The following ZC3H6 variants were observed in gnomAD, a reference collection of about 807,000 sequenced individuals.
The protein encoded by ZC3H6 is zinc finger CCCH-type containing 6.
ZC3H6 carries 40 observed loss-of-function variants against 107.7 expected under a neutral mutation model. The ratio of observed to expected loss-of-function variants is 0.37; its 90% CI spans 0.29 to 0.48. ZC3H6 has a LOEUF of 0.48. ZC3H6 is among the 20% of genes least tolerant of loss of function. The pLI is 0.98. For missense variants in ZC3H6, 1,267 were observed against 1,410.4 expected (o/e 0.90, Z 1.63); for synonymous variants, 493 against 487.9 (o/e 1.01, Z -0.14).
chr2:112,301,681 A>G (rs925005492), intron 2 of ZC3H6, among the ~76,000 whole-genome samples: 1 of 152,150 alleles, frequency 6.6e-6, no homozygotes, highest in African/African-American at 2.4e-5. Flanking sequence ...TAAAATGACA[A>G]AAAATTAAGA....
At chr2:112,301,836 T>C (rs931738557) in intron 2 of ZC3H6, among the ~76,000 whole-genome samples, 1 of 151,886 alleles carries the variant, frequency 6.6e-6, no homozygotes, top group African/African-American at 2.4e-5. Flanking sequence ...ACAACATATA[T>C]ATCATTGACC....
At chr2:112,296,921 C>T (rs1676248928) in intron 1 of ZC3H6, among the ~76,000 whole-genome samples, 1 of 152,160 alleles carries the variant, frequency 6.6e-6, no homozygotes, top group African/African-American at 2.4e-5. Context: ...TGAAGCATCT[C>T]ACCTAAATCT....
chr2:112,309,477 T>C (rs913243104), intron 3 of ZC3H6, among the ~76,000 whole-genome samples: 1 of 152,166 alleles, frequency 6.6e-6, no homozygotes, highest in Non-Finnish European at 1.5e-5. Context: ...AATTTGAGAA[T>C]TTTCCAGTGT....
rs983876742 is a variant in ZC3H6 at position 112,338,408 on chromosome 2, G to C, written c.*5920G>C. The C allele has an allele frequency of 2.0e-5, 3 of 151,972 alleles. No individual in the cohort carries two copies. The highest frequency in any genetic ancestry group is 4.4e-5 in the Non-Finnish European group (3 of 68,002). The allele number at this position is 151,972 out of a possible 1,614,324, so 9.4% of individuals were successfully genotyped here. On this transcript the variant is annotated 3_prime_UTR_variant, in exon 12 of 12. Transcript: ENST00000409871. ...TGTATCTGGTCTTTAAACACCTTTC[G>C]TTACCCTTTGGAATAGAACAATCAT...
In ZC3H6 at chr2:112,337,071, T is replaced by C. The variant is rs1242304741; in HGVS notation, c.*4583T>C. On this transcript the variant is annotated 3_prime_UTR_variant, in exon 12 of 12. Transcript: ENST00000409871. ...GAATGCACCTTATGGGTTATATCTC[T>C]TTTGGTAGACAGCCCACCTGCTCTT... 6.6e-6 allele frequency: 1 copy of C among 152,154 alleles called. No individual in the cohort carries two copies. The highest frequency in any genetic ancestry group is 1.5e-5 in the Non-Finnish European group (1 of 68,032). The allele number at this position is 152,154 out of a possible 1,614,324, so 9.4% of individuals were successfully genotyped here.
At position 112,275,765 on chromosome 2, in the gene ZC3H6, C is replaced by T. The variant is rs1686403474; in HGVS notation, c.-230C>T. The T allele has an allele frequency of 4.5e-6, 2 of 444,178 alleles. No homozygotes were observed. Among genetic ancestry groups the T allele is most frequent in the East Asian group, 3.5e-5 (1 of 28,368 alleles). 27.5% of individuals were successfully genotyped at this position (444,178 alleles called of 1,614,324 possible). On this transcript the variant is annotated 5_prime_UTR_variant, in exon 1 of 12. Transcript: ENST00000409871. ...AGCGGCAGCGCCGGCAGCGCGGGGC[C>T]GTTGCCCAGTGTTTGCAGTTAGAGC...
chr2:112,278,058 C>G (rs1573942189), intron 1 of ZC3H6, among the ~76,000 whole-genome samples: 1 of 152,148 alleles, frequency 6.6e-6, no homozygotes, highest in Admixed American at 6.5e-5. Context: ...GATAGTTAAT[C>G]ATCAGAATCA....
Position 112,331,160 on chromosome 2 carries a change from G to C in ZC3H6, c.2242G>C (p.Glu748Gln). The C allele has an allele frequency of 6.2e-7, 1 of 1,613,704 alleles. No homozygotes were observed. Among genetic ancestry groups the C allele is most frequent in the Non-Finnish European group, 8.5e-7 (1 of 1,179,790 alleles). ...STPTDPRLAKEKSKGNQVVDP... is the reference protein window; with the variant it reads ...STPTDPRLAKQKSKGNQVVDP... Reference sequence around the variant, plus strand: ...TCCTACTGATCCAAGACTTGCTAAAGAGAAAAGTAAAGGAAACCAAGTGGT... The same window carrying C: ...TCCTACTGATCCAAGACTTGCTAAACAGAAAAGTAAAGGAAACCAAGTGGT... Residue 748 changes from glutamate (E) to glutamine (Q), a missense_variant, in exon 12 of 12, where the codon GAG (glutamate) becomes CAG (glutamine). Coordinates refer to ENST00000409871, the MANE Select transcript of ZC3H6 (RefSeq NM_198581.3).
chr2:112,301,444 A>C (rs1286952612), intron 2 of ZC3H6, among the ~76,000 whole-genome samples: 4 of 152,208 alleles, frequency 2.6e-5, no homozygotes, highest in Non-Finnish European at 5.9e-5. Flanking sequence ...GAAAATAGCC[A>C]TATTTTTGAA....
At position 112,337,729 on chromosome 2, in the gene ZC3H6, C is replaced by T. The variant is rs75046871; in HGVS notation, c.*5241C>T. On this transcript the variant is annotated 3_prime_UTR_variant, in exon 12 of 12. Transcript: ENST00000409871. ...CCGCCTCCCAGGTTCAAGCAATTCT[C>T]CCACCTTAGCTTCCTGAGTAGCTGG... 7 of 152,334 alleles carry T rather than the reference C, an allele frequency of 4.6e-5. No individual in the cohort carries two copies. The highest frequency in any genetic ancestry group is 1.7e-4 in the African/African-American group (7 of 41,524). 9.4% of individuals were successfully genotyped at this position (152,334 alleles called of 1,614,324 possible).
At chr2:112,280,161 C>G (rs1322269551) in intron 1 of ZC3H6, among the ~76,000 whole-genome samples, 2 of 152,162 alleles carry the variant, frequency 1.3e-5, no homozygotes, top group Admixed American at 6.5e-5. Context: ...ATTGCAGATG[C>G]CTTTTCTCAG....
Position 112,275,692 on chromosome 2 carries a change from C to A in ZC3H6, c.-303C>A, listed in dbSNP as rs1043233713. On this transcript the variant is annotated 5_prime_UTR_variant, in exon 1 of 12. Coordinates refer to ENST00000409871, the MANE Select transcript of ZC3H6 (RefSeq NM_198581.3). ...TCCAAATCCCCGCGTCGCTGCACGC[C>A]GCCCGCCCGCTCCCACGCCACAGCC... 7.1e-6 allele frequency: 3 copies of A among 419,898 alleles called. No individual in the cohort carries two copies. The highest frequency in any genetic ancestry group is 4.4e-5 in the Admixed American group (1 of 22,870). 26.0% of individuals were successfully genotyped at this position (419,898 alleles called of 1,614,324 possible).
chr2:112,336,048 T>C lies in ZC3H6; in HGVS notation c.*3560T>C, dbSNP rs1272193702. On this transcript the variant is annotated 3_prime_UTR_variant, in exon 12 of 12. Transcript: ENST00000409871. ...CACCAGCTCTTAGAAACAACAGATA[T>C]ATTCACACCCAGTCTGTAATATGTA... The C allele has an allele frequency of 6.6e-6, 1 of 152,192 alleles. No homozygotes were observed. Among genetic ancestry groups the C allele is most frequent in the Non-Finnish European group, 1.5e-5 (1 of 68,034 alleles). The allele number at this position is 152,192 out of a possible 1,614,324, so 9.4% of individuals were successfully genotyped here. A position where few individuals can be genotyped will look rare whatever the true frequency, so the allele number is the denominator to read the frequency against.
At chr2:112,317,171 A>G in intron 6 of ZC3H6, 50 bp from the exon 7 acceptor site, 2 of 1,044,684 alleles carry the variant, frequency 1.9e-6, no homozygotes, top group Non-Finnish European at 1.3e-6. Flanking sequence ...TTTGTTTCTC[A>G]TTGTTTCTTA....
intron 2 of ZC3H6, among the ~76,000 whole-genome samples, 193 bp downstream of exon 2, chr2:112,300,222 T>G (rs1676345872): frequency 6.6e-6 from 1 of 151,756 alleles, no homozygotes; most frequent in East Asian, 1.9e-4. Flanking sequence ...GTTAAATCTT[T>G]TTTTTTTTTG....
Position 112,316,551 on chromosome 2 carries a change from A to G in ZC3H6, c.829A>G (p.Ile277Val), listed in dbSNP as rs779081141. 2.5e-6 allele frequency: 4 copies of G among 1,609,616 alleles called. No individual in the cohort carries two copies. The highest frequency in any genetic ancestry group is 2.5e-6 in the Non-Finnish European group (3 of 1,177,964). ...CACAGTGGAACACAAAGGAAAACAA[A>G]TCTGTAAATACTTCCTGGAAGGGAG... The part of the protein sequence containing the change: ...QHTVEHKGKQ[I>V]CKYFLEGRCI... The change falls in exon 6 of 12, where the codon ATC (isoleucine) becomes GTC (valine). Residue 277 changes from isoleucine to valine, a missense_variant. Around this residue, in one of 3 missense-constraint regions of ZC3H6, gnomAD observed 337 missense variants for 361.2 expected, o/e 0.93. Coordinates refer to ENST00000409871, the MANE Select transcript of ZC3H6 (RefSeq NM_198581.3).
rs1285002184 is a variant in ZC3H6, at chr2:112,299,930, A to T, written c.114A>T (p.Glu38Asp). 6.6e-7 allele frequency: 1 copy of T among 1,517,310 alleles called. No individual in the cohort carries two copies. Among genetic ancestry groups the T allele is most frequent in the Non-Finnish European group, 8.8e-7 (1 of 1,132,902 alleles). The allele number at this position is 1,517,310 out of a possible 1,614,324, so 94.0% of individuals were successfully genotyped here. A position where few individuals can be genotyped will look rare whatever the true frequency, so the allele number is the denominator to read the frequency against. ...EIQEKEAKEN[E>D]KQKSEKAYRK... is the part of the protein sequence containing the mutation. ...AAGAAAAAGAAGCAAAAGAGAATGA[A>T]AAGCAGAAAAGTGAGAAAGCCTACA... is the stretch of plus-strand genomic sequence containing the variant. Residue 38 changes from glutamate (E) to aspartate (D), a missense_variant, in exon 2 of 12, where the codon GAA becomes GAT. Transcript: ENST00000409871.
At chr2:112,320,774 A>G (rs1012081001) in intron 7 of ZC3H6, among the ~76,000 whole-genome samples, 3 of 152,060 alleles carry the variant, frequency 2.0e-5, no homozygotes, top group Non-Finnish European at 4.4e-5. Flanking sequence ...CAATATTTAT[A>G]CCTCTTATTT....
intron 2 of ZC3H6, among the ~76,000 whole-genome samples, chr2:112,301,581 T>C (rs1676379311): frequency 1.3e-5 from 2 of 152,160 alleles, no homozygotes; most frequent in Admixed American, 6.5e-5. Context: ...CCATAGTTGT[T>C]ATTGTAAGAT....
Sources: allele counts gnomAD v4.1 joint callset (sites outside exome capture counted in the v4.1 genomes callset), GRCh38; gene constraint gnomAD v4.1.1; regional missense constraint gnomAD v4.1.1; transcripts MANE v1.5; gene names NCBI Gene and HGNC (gene_info 2026-07-23, HGNC 2026-07-21).